LIMCH1: variants seen among roughly 807,000 people sequenced by gnomAD.
LIMCH1 encodes the protein LIM and calponin homology domains-containing protein 1.
Under a neutral mutation model 176.5 loss-of-function variants are expected in LIMCH1, and 113 were observed. The observed-to-expected ratio is 0.64, with a 90% CI of 0.55 to 0.75. The LOEUF (loss-of-function observed/expected upper bound fraction) is 0.75, where lower values mean the gene tolerates loss of function less well. LIMCH1 is among the 30% of genes least tolerant of loss of function. The pLI is 0.00. For synonymous variants in LIMCH1, 619 were observed against 645.9 expected (o/e 0.96, Z 0.63); for missense variants, 1,674 against 1,814.9 (o/e 0.92, Z 1.41).
rs34056313 is a variant in LIMCH1, at chr4:41,565,346, T to TACACACACAC, written c.-241+27024_-241+27033dup. ...ATAGTTAGAAGTTAGCTATTTCGGA[T>TACACACACAC]ACACACACACACACACACACACACA... On this transcript the variant is annotated intron_variant, in intron 1 of 31. Coordinates refer to ENST00000503057, the MANE Select transcript of LIMCH1 (RefSeq NM_001330672.2). 3.5e-3 allele frequency among the ~76,000 whole-genome samples: 449 copies of TACACACACAC among 128,586 alleles called. 3 individuals carry two copies. The highest frequency in any genetic ancestry group is 0.012 in the African/African-American group (406 of 34,106). The allele number at this position is 128,586 out of a possible 152,430, so 84.4% of individuals were successfully genotyped here.
intron 1 of LIMCH1, among the ~76,000 whole-genome samples, chr4:41,434,229 A>G (rs2061855717): frequency 2.0e-5 from 3 of 152,152 alleles, no homozygotes; most frequent in Admixed American, 6.5e-5. Flanking sequence ...TGGGTGGAGA[A>G]TGGACCCAGA....
At chr4:41,657,010 A>G (rs964444556) in intron 18 of LIMCH1, among the ~76,000 whole-genome samples, 19 of 152,030 alleles carry the variant, frequency 1.2e-4, no homozygotes, top group African/African-American at 4.6e-4. Flanking sequence ...GATGCCAGGT[A>G]GGCTTTGGGC....
chr4:41,377,734 T>C (rs1199400995), intron 1 of LIMCH1, among the ~76,000 whole-genome samples: 4 of 152,172 alleles, frequency 2.6e-5, no homozygotes, highest in Non-Finnish European at 5.9e-5. Context: ...TTCTTGCTAG[T>C]GGAGACGCTG....
At position 41,689,517 on chromosome 4, in the gene LIMCH1, T is replaced by G. The variant is rs200749064; in HGVS notation, c.4167-10T>G. On this transcript the variant is annotated splice_polypyrimidine_tract_variant and intron_variant, in intron 29 of 31. Transcript: ENST00000503057. ...GAAGTTTTTATTCTTATGTATATTT[T>G]TAAACCTAGGTCTATAAGTGGAAAG... 2 of 1,502,170 alleles carry G rather than the reference T, an allele frequency of 1.3e-6. No individual in the cohort carries two copies. The highest frequency in any genetic ancestry group is 1.4e-5 in the African/African-American group (1 of 72,802). The allele number at this position is 1,502,170 out of a possible 1,614,324, so 93.1% of individuals were successfully genotyped here.
intron 1 of LIMCH1, among the ~76,000 whole-genome samples, chr4:41,491,292 C>A (rs6827860): frequency 1.1e-4 from 12 of 104,722 alleles, no homozygotes; most frequent in Non-Finnish European, 2.4e-4. Flanking sequence ...TGGGCAGAGG[C>A]GCTCCCCACC....
intron 3 of LIMCH1, among the ~76,000 whole-genome samples, chr4:41,528,937 C>T (rs73144410): frequency 0.017 from 2,588 of 152,242 alleles, 60 homozygotes; most frequent in African/African-American, 0.052. Flanking sequence ...CATTTCCTGG[C>T]AAGAATGCAA....
chr4:41,532,707 C>T (rs190397239), intron 3 of LIMCH1, among the ~76,000 whole-genome samples: 45 of 152,264 alleles, frequency 3.0e-4, no homozygotes, highest in Non-Finnish European at 5.1e-4. Context: ...AGTCCCCTTG[C>T]GCATCTTTTG....
chr4:41,677,775 A>G (rs1293961050), intron 23 of LIMCH1, among the ~76,000 whole-genome samples: 2 of 152,198 alleles, frequency 1.3e-5, no homozygotes, highest in Non-Finnish European at 2.9e-5. Flanking sequence ...TTCAAATCCA[A>G]GTCTGGATGA....
At chr4:41,421,295 G>A (rs534720491) in intron 1 of LIMCH1, among the ~76,000 whole-genome samples, 11 of 152,190 alleles carry the variant, frequency 7.2e-5, no homozygotes, top group African/African-American at 2.7e-4. Context: ...TCATACCTGG[G>A]TGTGAACCAA....
intron 22 of LIMCH1, among the ~76,000 whole-genome samples, chr4:41,675,562 C>T (rs535185615): frequency 5.5e-4 from 84 of 152,254 alleles, no homozygotes; most frequent in African/African-American, 2.0e-3. Flanking sequence ...CCTGGTCTGC[C>T]TGGGCACCTA....
chr4:41,507,383 C>T lies in LIMCH1; in HGVS notation c.167+12777C>T, dbSNP rs567113599. On this transcript the variant is annotated intron_variant, in intron 2 of 26. Coordinates refer to the LIMCH1 transcript ENST00000313860. ...GGGCTAGAAGTTCCAAGCTTCTAAT[C>T]GTAGCTTGGTCTTTCTGGTAACCAG... Among the ~76,000 whole-genome samples, 8 of 152,200 alleles carry T rather than the reference C, an allele frequency of 5.3e-5. 1 individual carries two copies. The highest frequency in any genetic ancestry group is 3.9e-4 in the East Asian group (2 of 5,164).
intron 13 of LIMCH1, among the ~76,000 whole-genome samples, chr4:41,638,132 GTTT>G (rs1471427803): frequency 1.4e-5 from 2 of 145,314 alleles, no homozygotes; most frequent in African/African-American, 5.2e-5. Flanking sequence ...TGTTGTTGTT[GTTT>G]TTTCATGTGC....
intron 1 of LIMCH1, among the ~76,000 whole-genome samples, chr4:41,396,908 AT>A (rs149366069): frequency 0.019 from 2,869 of 151,674 alleles, 82 homozygotes; most frequent in East Asian, 0.12. Flanking sequence ...AAAAAAAAAA[AT>A]AAATAAATAA....
At chr4:41,595,006 C>T (rs1480613489) in intron 1 of LIMCH1, among the ~76,000 whole-genome samples, 2 of 152,208 alleles carry the variant, frequency 1.3e-5, no homozygotes, top group Non-Finnish European at 2.9e-5. Context: ...GATACTTGCA[C>T]TCCCAAGTGA....
intron 2 of LIMCH1, among the ~76,000 whole-genome samples, chr4:41,520,557 T>C (rs1345525513): frequency 7.9e-5 from 12 of 152,146 alleles, no homozygotes; most frequent in Non-Finnish European, 2.9e-5. Context: ...TGTACCAAGA[T>C]TACAAATTCC....
chr4:41,679,422 C>G (rs1249866255), intron 23 of LIMCH1, among the ~76,000 whole-genome samples: 1 of 152,150 alleles, frequency 6.6e-6, no homozygotes, highest in Non-Finnish European at 1.5e-5. Context: ...AATGGCAGTT[C>G]TGAAGAAGTA....
rs1339910527 is a variant in LIMCH1 at position 41,644,531 on chromosome 4, G to A, written c.2158G>A (p.Glu720Lys). 4.4e-6 allele frequency: 7 copies of A among 1,593,444 alleles called. No homozygotes were observed. In the African/African-American group the frequency reaches 5.4e-5, roughly 12 times the overall value. The change falls in exon 15 of 32, where the codon GAG becomes AAG. Residue 720 changes from glutamate to lysine, a missense_variant. Around this residue, in one of 3 missense-constraint regions of LIMCH1, gnomAD observed 1,015 missense variants for 1,102.5 expected, o/e 0.92. Transcript: ENST00000503057. ...STSMFDMRCE[E>K]EAAVQPHSRA... is the part of the protein sequence containing the mutation. ...CAGCATGTTTGACATGCGGTGTGAG[G>A]AGGAGGCCGCGGTGCAGCCGCACAG... is the stretch of plus-strand genomic sequence containing the variant.
chr4:41,411,885 G>A (rs1312432846), intron 1 of LIMCH1, among the ~76,000 whole-genome samples: 1 of 147,586 alleles, frequency 6.8e-6, no homozygotes, highest in Non-Finnish European at 1.5e-5. Context: ...TTGAACCCAG[G>A]AGGTGGAAGT....
intron 1 of LIMCH1, among the ~76,000 whole-genome samples, chr4:41,542,352 C>T (rs2078777195): frequency 7.5e-6 from 1 of 132,886 alleles, no homozygotes. Flanking sequence ...GTTTTTCTCT[C>T]TTTCTTTCTT....
Sources: allele counts gnomAD v4.1 joint callset (sites outside exome capture counted in the v4.1 genomes callset), GRCh38; gene constraint gnomAD v4.1.1; regional missense constraint gnomAD v4.1.1; transcripts MANE v1.5; gene names NCBI Gene and HGNC (gene_info 2026-07-23, HGNC 2026-07-21).